Variants in YAP1 observed in about 807,000 individuals in gnomAD.
YAP1 encodes Yes1 associated transcriptional regulator, also known as transcriptional coactivator YAP1.
A neutral mutation model predicts 56.9 loss-of-function variants in YAP1; 5 were observed. The observed-to-expected ratio is 0.09, with a 90% confidence interval of 0.05 to 0.18. The LOEUF (loss-of-function observed/expected upper bound fraction) is 0.18. Ranked by LOEUF, YAP1 falls within the 10% of genes least tolerant of loss-of-function variation. The pLI is 1.00. For missense variants in YAP1, 539 were observed against 651.8 expected (o/e 0.83, Z 1.88); for synonymous variants, 265 against 248.1 (o/e 1.07, Z -0.64).
chr11:102,206,129 A>G (rs779237818), intron 5 of YAP1, 55 bp downstream of exon 5: 6 of 1,567,362 alleles, frequency 3.8e-6, no homozygotes, highest in Non-Finnish European at 5.2e-6. Context: ...GTTTTCTTAA[A>G]GTTGGGCAGA....
At chr11:102,132,943 AG>A (rs1944454262) in intron 2 of YAP1, among the ~76,000 whole-genome samples, 1 of 152,070 alleles carries the variant, frequency 6.6e-6, no homozygotes, top group African/African-American at 2.4e-5. Context: ...AGATCACCTG[AG>A]GTCAGGAGAT....
intron 3 of YAP1, among the ~76,000 whole-genome samples, chr11:102,170,014 A>G (rs1049047133): frequency 1.3e-5 from 2 of 152,212 alleles, no homozygotes; most frequent in East Asian, 1.9e-4. Flanking sequence ...TAATTATTGT[A>G]TCTACTCTAG....
At chr11:102,198,309 T>G (rs1372005428) in intron 4 of YAP1, among the ~76,000 whole-genome samples, 1 of 152,222 alleles carries the variant, frequency 6.6e-6, no homozygotes, top group Non-Finnish European at 1.5e-5. Context: ...CATTGGCTAT[T>G]GTCATTAATG....
At chr11:102,171,670 G>A (rs1946907876) in intron 3 of YAP1, among the ~76,000 whole-genome samples, 1 of 152,124 alleles carries the variant, frequency 6.6e-6, no homozygotes, top group Non-Finnish European at 1.5e-5. Flanking sequence ...ATATTAGTAG[G>A]CTCACTGAGC....
intron 3 of YAP1, among the ~76,000 whole-genome samples, chr11:102,175,203 C>T (rs1427993744): frequency 6.6e-6 from 1 of 152,054 alleles, no homozygotes; most frequent in Non-Finnish European, 1.5e-5. Context: ...AGTTTGAGAC[C>T]AGCCTGACCA....
Position 102,210,157 on chromosome 11 carries a change from A to G in YAP1, c.1032+593A>G, listed in dbSNP as rs145340844. ...TTGTGAAGGCATCTTATTTAGAAGG[A>G]AAGATTGTGGCCAATTTTTCTTCTA... On this transcript the variant is annotated intron_variant, in intron 6 of 8. Coordinates refer to ENST00000282441, the MANE Select transcript of YAP1 (RefSeq NM_001130145.3). Among the ~76,000 whole-genome samples, 7 of 152,304 alleles carry G rather than the reference A, an allele frequency of 4.6e-5. No homozygotes were observed. In the East Asian group the frequency reaches 1.3e-3, roughly 29 times the overall value.
intron 2 of YAP1, among the ~76,000 whole-genome samples, chr11:102,120,773 AT>A (rs1323910094): frequency 6.6e-6 from 1 of 152,206 alleles, no homozygotes; most frequent in Admixed American, 6.5e-5. Context: ...TGCAGATTTG[AT>A]TTGGGATTTG....
rs528202286 is a variant in YAP1, at chr11:102,153,490, T to C, written c.573-8966T>C. Among the ~76,000 whole-genome samples the C allele has an allele frequency of 7.9e-5, 12 of 152,348 alleles. No homozygotes were observed. In the East Asian group the frequency reaches 2.1e-3, roughly 27 times the overall value. ...GTATGTCAGTCTTCTCACCTTAAAA[T>C]GCAAGAGTGTTTTCTGATACAGCAT... On this transcript the variant is annotated intron_variant, in intron 2 of 8. Transcript: ENST00000282441.
At chr11:102,209,206 C>G (rs1292085383) in intron 5 of YAP1, among the ~76,000 whole-genome samples, 1 of 152,156 alleles carries the variant, frequency 6.6e-6, no homozygotes, top group Non-Finnish European at 1.5e-5. Flanking sequence ...ACTGAAACAT[C>G]AAATATATTG....
At chr11:102,117,007 A>G (rs1271360828) in intron 2 of YAP1, among the ~76,000 whole-genome samples, 1 of 152,168 alleles carries the variant, frequency 6.6e-6, no homozygotes, top group African/African-American at 2.4e-5. Flanking sequence ...ATTTGGAGAA[A>G]AGTTATGAAA....
Position 102,176,745 on chromosome 11 carries a change from C to CAAAAAAAAAAAAAAAAAAAAAAA in YAP1, c.689-9264_689-9242dup, listed in dbSNP as rs57082707. ...TGGGCAACAGAGTAAGACTCCGTCT[C>CAAAAAAAAAAAAAAAAAAAAAAA]AAAAAAAAAAAAAAAAAAAAAAAAA... On this transcript the variant is annotated intron_variant, in intron 3 of 8. Transcript: ENST00000282441. 4.6e-4 allele frequency among the ~76,000 whole-genome samples: 21 copies of CAAAAAAAAAAAAAAAAAAAAAAA among 45,512 alleles called. 1 individual carries two copies. Among genetic ancestry groups the CAAAAAAAAAAAAAAAAAAAAAAA allele is most frequent in the South Asian group, 1.3e-3 (1 of 784 alleles). The allele number at this position is 45,512 out of a possible 152,430, so 29.9% of individuals were successfully genotyped here.
intron 2 of YAP1, among the ~76,000 whole-genome samples, chr11:102,122,948 T>C (rs1943770856): frequency 6.7e-6 from 1 of 148,348 alleles, no homozygotes; most frequent in African/African-American, 2.5e-5. Context: ...CTCTTTTCTT[T>C]ATCTCTGGCT....
intron 4 of YAP1, among the ~76,000 whole-genome samples, chr11:102,203,256 A>T (rs985061334): frequency 6.6e-6 from 1 of 152,212 alleles, no homozygotes; most frequent in African/African-American, 2.4e-5. Flanking sequence ...CCACAGAACC[A>T]TGTTATTAAA....
At chr11:102,169,580 G>A (rs939761886) in intron 3 of YAP1, among the ~76,000 whole-genome samples, 2 of 152,142 alleles carry the variant, frequency 1.3e-5, no homozygotes, top group Non-Finnish European at 2.9e-5. Context: ...TATTTGACTA[G>A]TTACTCTCGG....
chr11:102,230,048 G>A lies in YAP1; in HGVS notation c.*108G>A. 1.1e-6 allele frequency: 1 copy of A among 909,442 alleles called. No individual in the cohort carries two copies. Among genetic ancestry groups the A allele is most frequent in the Middle Eastern group, 2.8e-4 (1 of 3,550 alleles). 56.3% of individuals were successfully genotyped at this position (909,442 alleles called of 1,614,324 possible). ...TTTTCAGGCTAATACAGAAAAAGAT[G>A]AACAAACGTCCAGCAAGATACTTTA... On this transcript the variant is annotated 3_prime_UTR_variant, in exon 9 of 9. Coordinates refer to ENST00000282441, the MANE Select transcript of YAP1 (RefSeq NM_001130145.3).
rs112713899 is a variant in YAP1, at chr11:102,229,871, C to T, written c.1446C>T (p.Ile482=). 33 of 1,614,088 alleles carry T rather than the reference C, an allele frequency of 2.0e-5. No individual in the cohort carries two copies. The African/African-American group carries it at 3.2e-4, about 16-fold the overall frequency. Residue 482 remains isoleucine (I), a synonymous_variant, in exon 9 of 9, where the codon ATC becomes ATT. Coordinates refer to ENST00000282441, the MANE Select transcript of YAP1 (RefSeq NM_001130145.3). ...TGCAGGAAGCTTTGAGTTCTGACAT[C>T]CTTAATGACATGGAGTCTGTTTTGG... The part of the protein sequence containing the change: ...PSLQEALSSD[I]LNDMESVLAA...
chr11:102,202,908 A>G (rs1948947442), intron 4 of YAP1, among the ~76,000 whole-genome samples: 1 of 152,172 alleles, frequency 6.6e-6, no homozygotes, highest in African/African-American at 2.4e-5. Context: ...AGGCCTCTAT[A>G]TTCGAACTTG....
intron 2 of YAP1, among the ~76,000 whole-genome samples, chr11:102,115,794 G>GT (rs1463276739): frequency 6.6e-6 from 1 of 152,158 alleles, no homozygotes; most frequent in Non-Finnish European, 1.5e-5. Context: ...TGTGAAGGAT[G>GT]TGTCTTGAAG....
intron 2 of YAP1, among the ~76,000 whole-genome samples, chr11:102,152,667 C>G (rs951683011): frequency 6.6e-6 from 1 of 152,086 alleles, no homozygotes; most frequent in Non-Finnish European, 1.5e-5. Flanking sequence ...GCTTAATCAC[C>G]AAATGAAGCC....
Sources: gnomAD v4.1 joint callset for allele counts (sites outside exome capture counted in the v4.1 genomes callset) on GRCh38, gnomAD v4.1.1 for gene constraint, MANE v1.5 for transcripts, NCBI Gene and HGNC (gene_info 2026-07-23, HGNC 2026-07-21) for gene names.